Variants in CDH13 observed in about 807,000 individuals in gnomAD.
The protein encoded by CDH13 is cadherin 13, also known as cadherin-13.
A neutral mutation model predicts 63.8 loss-of-function variants in CDH13; 24 were observed. That is an observed-to-expected ratio of 0.38 (90% CI 0.27 to 0.53). CDH13 has a LOEUF of 0.53. Ranked by LOEUF, CDH13 falls within the 20% of genes least tolerant of loss-of-function variation. CDH13 has a pLI of 0.85. For synonymous variants in CDH13, 503 were observed against 355.3 expected (o/e 1.42, Z -4.67); for missense variants, 1,049 against 903.1 (o/e 1.16, Z -2.07).
At chr16:83,142,576 T>C (rs780033761) in intron 4 of CDH13, among the ~76,000 whole-genome samples, 5 of 152,224 alleles carry the variant, frequency 3.3e-5, no homozygotes, top group Admixed American at 1.3e-4. Flanking sequence ...TCCTCATGTG[T>C]AGCCGTTCGC....
chr16:83,139,221 T>A (rs1030174408), intron 4 of CDH13, among the ~76,000 whole-genome samples: 1 of 152,226 alleles, frequency 6.6e-6, no homozygotes, highest in African/African-American at 2.4e-5. Context: ...GGATTCATTT[T>A]GCACCAGTGA....
chr16:82,766,903 C>T (rs377612717), intron 1 of CDH13, among the ~76,000 whole-genome samples: 4 of 152,214 alleles, frequency 2.6e-5, no homozygotes, highest in East Asian at 3.9e-4. Context: ...ATTTTTTACA[C>T]GTACAGAAAA....
intron 6 of CDH13, among the ~76,000 whole-genome samples, chr16:83,403,719 A>C (rs2092002600): frequency 1.3e-5 from 2 of 152,216 alleles, no homozygotes; most frequent in Non-Finnish European, 2.9e-5. Context: ...TATCTCACAC[A>C]AGCCTGCTTG....
chr16:82,695,445 C>G (rs936969460), intron 1 of CDH13, among the ~76,000 whole-genome samples: 1 of 152,192 alleles, frequency 6.6e-6, no homozygotes, highest in African/African-American at 2.4e-5. Context: ...GTTCCTATAT[C>G]TCTACCATTC....
intron 7 of CDH13, among the ~76,000 whole-genome samples, chr16:83,562,087 A>G (rs2075719964): frequency 6.6e-6 from 1 of 152,204 alleles, no homozygotes; most frequent in South Asian, 2.1e-4. Context: ...TGTCTTCCAC[A>G]GTTTAGATCT....
At chr16:83,527,208 G>A (rs12930203) in intron 7 of CDH13, among the ~76,000 whole-genome samples, 83,924 of 151,786 alleles carry the variant, frequency 0.55, 26,360 homozygotes, top group Non-Finnish European at 0.71. Context: ...TCAGTGCTTT[G>A]GGAGGCTGAG....
chr16:83,117,993 C>G (rs1214864802), intron 3 of CDH13, among the ~76,000 whole-genome samples: 1 of 152,210 alleles, frequency 6.6e-6, no homozygotes, highest in African/African-American at 2.4e-5. Flanking sequence ...AACCGGAGAT[C>G]TTTGTGTAGG....
intron 2 of CDH13, among the ~76,000 whole-genome samples, chr16:82,902,712 T>C (rs919013939): frequency 6.6e-6 from 1 of 152,128 alleles, no homozygotes; most frequent in African/African-American, 2.4e-5. Context: ...TTCATTTTTG[T>C]CTCTTCTGTT....
intron 8 of CDH13, among the ~76,000 whole-genome samples, chr16:83,616,181 G>T (rs1408357759): frequency 1.3e-5 from 2 of 152,206 alleles, no homozygotes; most frequent in African/African-American, 4.8e-5. Context: ...AGGATGAGCT[G>T]TCTTGCGTTG....
intron 1 of CDH13, among the ~76,000 whole-genome samples, chr16:82,702,172 C>A (rs570875909): frequency 5.2e-4 from 79 of 152,232 alleles, no homozygotes; most frequent in Non-Finnish European, 8.1e-4. Context: ...CATGCTTTTC[C>A]CTTGCCTGAA....
At chr16:83,022,280 G>C (rs964590638) in intron 2 of CDH13, among the ~76,000 whole-genome samples, 2 of 152,192 alleles carry the variant, frequency 1.3e-5, no homozygotes, top group African/African-American at 4.8e-5. Flanking sequence ...TCATGCTGAG[G>C]AAGAATTGAA....
At chr16:83,132,302 G>A (rs546870345) in intron 4 of CDH13, among the ~76,000 whole-genome samples, 60 of 152,110 alleles carry the variant, frequency 3.9e-4, no homozygotes, top group African/African-American at 1.3e-3. Context: ...TTACTGGGTT[G>A]TCTAGGGTAA....
chr16:83,584,130 C>A (rs1417949379), intron 7 of CDH13, among the ~76,000 whole-genome samples: 4 of 152,038 alleles, frequency 2.6e-5, no homozygotes, highest in Non-Finnish European at 4.4e-5. Flanking sequence ...GAGATCAAGA[C>A]CATCTTGGCT....
intron 4 of CDH13, among the ~76,000 whole-genome samples, chr16:83,138,786 A>C (rs956025941): frequency 6.6e-6 from 1 of 152,084 alleles, no homozygotes; most frequent in African/African-American, 2.4e-5. Flanking sequence ...AGGGGTGACA[A>C]AGAGGGAGGC....
chr16:82,627,649 C>T (rs925421295), intron 1 of CDH13, among the ~76,000 whole-genome samples: 1 of 152,074 alleles, frequency 6.6e-6, no homozygotes, highest in Non-Finnish European at 1.5e-5. Context: ...CGCCCGGGCC[C>T]CCTGGTACAG....
intron 6 of CDH13, among the ~76,000 whole-genome samples, chr16:83,411,121 T>G (rs959367190): frequency 2.0e-5 from 3 of 152,180 alleles, no homozygotes; most frequent in Admixed American, 2.0e-4. Context: ...TAGGGTTCTT[T>G]CTATGGCTTA....
chr16:83,220,455 T>A (rs916622914), intron 5 of CDH13, among the ~76,000 whole-genome samples: 6 of 152,126 alleles, frequency 3.9e-5, no homozygotes, highest in African/African-American at 1.4e-4. Context: ...AAGAGGAGAA[T>A]CCTGGGTCTC....
At position 82,665,794 on chromosome 16, in the gene CDH13, C is replaced by T. The variant is rs529999235; in HGVS notation, c.45+38657C>T. Among the ~76,000 whole-genome samples the T allele has an allele frequency of 6.6e-5, 10 of 152,166 alleles. No homozygotes were observed. The East Asian group carries it at 1.4e-3, about 21-fold the overall frequency. ...AACAGCAATAGTTTAGCCTAACCTA[C>T]TTTATATGTGCTTAGAGCACTTGCG... On this transcript the variant is annotated intron_variant, in intron 1 of 13. Transcript: ENST00000567109.
intron 4 of CDH13, among the ~76,000 whole-genome samples, chr16:83,204,349 C>T (rs540771830): frequency 6.6e-6 from 1 of 152,332 alleles, no homozygotes. Context: ...TTACCAATAC[C>T]TACCTCATAG....
Sources: allele counts gnomAD v4.1 joint callset (sites outside exome capture counted in the v4.1 genomes callset), GRCh38; gene constraint gnomAD v4.1.1; transcripts MANE v1.5; gene names NCBI Gene and HGNC (gene_info 2026-07-23, HGNC 2026-07-21).